Variants in IGSF10 observed in about 807,000 individuals in gnomAD.
IGSF10 encodes the protein immunoglobulin superfamily member 10, also known as calvaria mechanical force protein 608.
IGSF10 carries 126 observed loss-of-function variants against 128.2 expected under a neutral mutation model. The ratio of observed to expected loss-of-function variants is 0.98; its 90% confidence interval spans 0.85 to 1.14. The LOEUF (loss-of-function observed/expected upper bound fraction) is 1.14. Ranked by LOEUF, IGSF10 falls within the 50% of genes most tolerant of loss-of-function variation. The pLI is 0.00. For missense variants in IGSF10, 3,295 were observed against 3,149.8 expected (o/e 1.05, Z -1.10); for synonymous variants, 1,185 against 1,146.2 (o/e 1.03, Z -0.68).
At chr3:151,540,559 G>A in the IGSF10 span, among the ~76,000 whole-genome samples, 3 of 152,134 alleles carry the variant, frequency 2.0e-5, no homozygotes, top group Admixed American at 2.0e-4. Context: ...GTGAGAAGTT[G>A]ACAGTTTAGA....
the IGSF10 span, among the ~76,000 whole-genome samples, chr3:151,474,018 G>A: frequency 2.6e-3 from 396 of 151,956 alleles, 3 homozygotes; most frequent in African/African-American, 9.2e-3. Flanking sequence ...TCAGTTGTAT[G>A]GAATTTAAAG....
chr3:151,607,121 T>G, the IGSF10 span, among the ~76,000 whole-genome samples: 2 of 152,160 alleles, frequency 1.3e-5, no homozygotes, highest in Non-Finnish European at 2.9e-5. Flanking sequence ...TTCTTGAGCT[T>G]AAAGAGAACA....
chr3:151,619,901 C>T, the IGSF10 span, among the ~76,000 whole-genome samples: 1 of 152,118 alleles, frequency 6.6e-6, no homozygotes, highest in East Asian at 1.9e-4. Flanking sequence ...TCTAAGTTCC[C>T]TCACCATGGG....
chr3:151,578,341 A>G, the IGSF10 span, among the ~76,000 whole-genome samples: 3 of 152,290 alleles, frequency 2.0e-5, no homozygotes, highest in East Asian at 5.8e-4. Flanking sequence ...CAAGTACTCA[A>G]CTCTGTGGTT....
chr3:151,617,245 C>CTT, the IGSF10 span, among the ~76,000 whole-genome samples: 1 of 128,280 alleles, frequency 7.8e-6, no homozygotes, highest in Admixed American at 8.3e-5. Flanking sequence ...TCTTCCTCCT[C>CTT]CTCTTCTTCT....
rs750365277 is a variant in IGSF10, at chr3:151,446,260, CAGG to C, written c.3718_3720del (p.Pro1240del). 3.1e-6 allele frequency: 5 copies of C among 1,613,876 alleles called. No homozygotes were observed. Among genetic ancestry groups the C allele is most frequent in the East Asian group, 2.2e-5 (1 of 44,890 alleles). ...GGGGAGACTTTGTCTCTGGGTAAAG[CAGG>C]AGATGTTTTAGGAAGCATCACAGCT... On this transcript the variant is annotated inframe_deletion, in exon 6 of 8. Coordinates refer to ENST00000282466, the MANE Select transcript of IGSF10 (RefSeq NM_178822.5).
At chr3:151,533,631 T>C in the IGSF10 span, among the ~76,000 whole-genome samples, 1 of 152,170 alleles carries the variant, frequency 6.6e-6, no homozygotes, top group African/African-American at 2.4e-5. Context: ...ACCCCTTCCT[T>C]ACACCTTATA....
chr3:151,476,979 G>A, the IGSF10 span, among the ~76,000 whole-genome samples: 1 of 152,088 alleles, frequency 6.6e-6, no homozygotes, highest in Admixed American at 6.5e-5. Flanking sequence ...CAAAATTATG[G>A]GCAAAACATA....
the IGSF10 span, among the ~76,000 whole-genome samples, chr3:151,612,975 T>A: frequency 1.3e-5 from 2 of 152,178 alleles, no homozygotes; most frequent in African/African-American, 2.4e-5. Flanking sequence ...TGTGTGGCAA[T>A]TCTTCAAATA....
In IGSF10 at chr3:151,449,261, T is replaced by C; in HGVS notation, c.720A>G (p.Val240=). 1 of 1,565,960 alleles carries C rather than the reference T, an allele frequency of 6.4e-7. No homozygotes were observed. The highest frequency in any genetic ancestry group is 8.6e-7 in the Non-Finnish European group (1 of 1,158,320). ...GACTTCTATCTTTTTTGCATTTTAT[T>C]ACATCTGGAAAAAAATCACAATTGA... ...LSDWIQEKPD[V]IKCKKDRSPS... The change falls in exon 6 of 8, where the codon GTA becomes GTG. Residue 240 remains valine (V), a synonymous_variant. Transcript: ENST00000282466.
At chr3:151,617,320 C>CTTCTTCTTCTTCTTCTTCTTCTTCTTCT in the IGSF10 span, among the ~76,000 whole-genome samples, 22 of 83,630 alleles carry the variant, frequency 2.6e-4, 3 homozygotes, top group East Asian at 2.6e-3. Context: ...CTTCTTCTTC[C>CTTCTTCTTCTTCTTCTTCTTCTTCTTCT]CCTCCTCCTC....
In IGSF10 at chr3:151,451,215, G is replaced by A. The variant is rs149672380; in HGVS notation, c.716-1950C>T. Among the ~76,000 whole-genome samples, 118 of 150,842 alleles carry A rather than the reference G, an allele frequency of 7.8e-4. 1 individual carries two copies. The highest frequency in any genetic ancestry group is 2.4e-4 in the Non-Finnish European group (16 of 67,152). ...CCATGCCCCATTGGCTCTGGCATACGCTGTTCCTTCTATGTCCCGCACACT... is the reference window on the plus strand; with the variant it reads ...CCATGCCCCATTGGCTCTGGCATACACTGTTCCTTCTATGTCCCGCACACT... On this transcript the variant is annotated intron_variant, in intron 5 of 7. Transcript: ENST00000282466.
chr3:151,541,874 T>TGTAAC, the IGSF10 span, among the ~76,000 whole-genome samples: 83,729 of 151,472 alleles, frequency 0.55, 24,077 homozygotes, highest in African/African-American at 0.71. Flanking sequence ...CATGGCCACT[T>TGTAAC]TCTCCCTTAA....
At chr3:151,618,670 C>T in the IGSF10 span, among the ~76,000 whole-genome samples, 6 of 150,702 alleles carry the variant, frequency 4.0e-5, no homozygotes, top group African/African-American at 1.5e-4. Flanking sequence ...GCGGAGCTTA[C>T]AGTGAATCGA....
the IGSF10 span, among the ~76,000 whole-genome samples, chr3:151,596,029 G>T: frequency 8.5e-5 from 13 of 152,072 alleles, no homozygotes; most frequent in East Asian, 2.5e-3. Flanking sequence ...CTTGACTGTT[G>T]TTACCATTTC....
chr3:151,524,203 T>C, the IGSF10 span, among the ~76,000 whole-genome samples: 1 of 152,224 alleles, frequency 6.6e-6, no homozygotes, highest in African/African-American at 2.4e-5. Context: ...AATTCAGTCA[T>C]TGTGGAAAGA....
chr3:151,437,111 T>G lies in IGSF10; in HGVS notation c.7450A>C (p.Ile2484Leu), dbSNP rs201011440. 1.2e-6 allele frequency: 2 copies of G among 1,614,206 alleles called. No individual in the cohort carries two copies. The highest frequency in any genetic ancestry group is 1.7e-5 in the Admixed American group (1 of 60,024). Residue 2484 changes from isoleucine (I) to leucine (L), a missense_variant, in exon 8 of 8, where the codon ATA (isoleucine) becomes CTA (leucine). Coordinates refer to ENST00000282466, the MANE Select transcript of IGSF10 (RefSeq NM_178822.5). ...ACTAAGGTGCCATTGTCATGCAATATGTATTTCCCATTAATTTGAGGCCTG... is the reference window on the plus strand; with the variant it reads ...ACTAAGGTGCCATTGTCATGCAATAGGTATTTCCCATTAATTTGAGGCCTG... ...VDRPQINGKY[I>L]LHDNGTLVIK... is the part of the protein sequence containing the mutation.
Position 151,448,698 on chromosome 3 carries a change from C to T in IGSF10, c.1283G>A (p.Trp428Ter). 6.2e-7 allele frequency: 1 copy of T among 1,614,086 alleles called. No homozygotes were observed. The highest frequency in any genetic ancestry group is 8.5e-7 in the Non-Finnish European group (1 of 1,179,970). ...CAAGGAAATTTGGTCTTGCATTAAC[C>T]AAGAGGGATCTGCTCTGAGATCTGC... ...IEADLRADPS[W>*]LMQDQISLQL... The change falls in exon 6 of 8, where the codon TGG (tryptophan) becomes TAG (stop). Residue 428 changes from tryptophan to a stop codon, truncating the protein, a stop_gained. Coordinates refer to ENST00000282466, the MANE Select transcript of IGSF10 (RefSeq NM_178822.5). LOFTEE classifies it high-confidence loss of function.
At chr3:151,487,979 G>C in the IGSF10 span, among the ~76,000 whole-genome samples, 1 of 152,190 alleles carries the variant, frequency 6.6e-6, no homozygotes, top group East Asian at 1.9e-4. Context: ...GTTCTGGCCA[G>C]GGTAATCAGG....
Sources: gnomAD v4.1 joint callset for allele counts (sites outside exome capture counted in the v4.1 genomes callset) on GRCh38, gnomAD v4.1.1 for gene constraint, MANE v1.5 for transcripts, NCBI Gene and HGNC (gene_info 2026-07-23, HGNC 2026-07-21) for gene names.